Variants in MGAT4C observed in about 807,000 individuals in gnomAD.
MGAT4C encodes MGAT4 family member C.
In MGAT4C, 19 loss-of-function variants were observed where a neutral mutation model predicts 40.1. That is an observed-to-expected ratio of 0.47 (90% CI 0.33 to 0.70). MGAT4C has a LOEUF of 0.70. MGAT4C is among the 30% of genes least tolerant of loss of function. The pLI is 0.02. For missense variants in MGAT4C, 491 were observed against 563.2 expected (o/e 0.87, Z 1.30); for synonymous variants, 181 against 187.1 (o/e 0.97, Z 0.27).
chr12:86,581,910 G>A (rs963353348), intron 2 of MGAT4C, among the ~76,000 whole-genome samples: 1 of 151,396 alleles, frequency 6.6e-6, no homozygotes, highest in Non-Finnish European at 1.5e-5. Flanking sequence ...TTAATTAGTA[G>A]TTGACTTAGG....
intron 2 of MGAT4C, among the ~76,000 whole-genome samples, chr12:86,628,251 A>G (rs1302005833): frequency 1.3e-5 from 2 of 152,222 alleles, no homozygotes; most frequent in African/African-American, 2.4e-5. Flanking sequence ...ACTATGTGAA[A>G]AGACCGAATC....
In MGAT4C at chr12:85,959,986, G is replaced by A. The variant is rs989288633; in HGVS notation, c.*19303C>T. 7 of 151,764 alleles carry A rather than the reference G, an allele frequency of 4.6e-5. No individual in the cohort carries two copies. The highest frequency in any genetic ancestry group is 1.5e-4 in the African/African-American group (6 of 41,346). 9.4% of individuals were successfully genotyped at this position (151,764 alleles called of 1,614,324 possible). ...AATATCCTATTCTCCTTTTCTTATG[G>A]TTTTATTGTGAAGATCTGTGCAAAT... On this transcript the variant is annotated 3_prime_UTR_variant, in exon 5 of 5. Transcript: ENST00000611864.
intron 2 of MGAT4C, among the ~76,000 whole-genome samples, chr12:86,706,308 C>T (rs535294293): frequency 6.6e-6 from 1 of 152,244 alleles, no homozygotes; most frequent in East Asian, 1.9e-4. Context: ...TAAATTTTAA[C>T]ATAAGAATAT....
chr12:86,310,134 A>G (rs1400789185), intron 4 of MGAT4C, among the ~76,000 whole-genome samples: 1 of 152,126 alleles, frequency 6.6e-6, no homozygotes, highest in Non-Finnish European at 1.5e-5. Flanking sequence ...TCAAAGTGTT[A>G]AGCTAGGGTC....
intron 1 of MGAT4C, among the ~76,000 whole-genome samples, chr12:86,211,451 G>C (rs1196119719): frequency 6.7e-6 from 1 of 148,714 alleles, no homozygotes; most frequent in African/African-American, 2.5e-5. Context: ...GCCGGGCGTG[G>C]TGGCGGTCGC....
chr12:86,037,406 T>C (rs1396811298), intron 2 of MGAT4C, among the ~76,000 whole-genome samples: 2 of 150,282 alleles, frequency 1.3e-5, no homozygotes, highest in African/African-American at 4.8e-5. Flanking sequence ...AGATATTTCC[T>C]GCTTTCTCTT....
chr12:86,575,132 T>A (rs1315310324), intron 2 of MGAT4C, among the ~76,000 whole-genome samples: 1 of 151,764 alleles, frequency 6.6e-6, no homozygotes, highest in East Asian at 1.9e-4. Context: ...TATGCCCTCA[T>A]TCATTCATGT....
intron 4 of MGAT4C, among the ~76,000 whole-genome samples, chr12:86,272,950 C>T (rs76773156): frequency 0.015 from 2,276 of 152,202 alleles, 32 homozygotes; most frequent in African/African-American, 0.036. Context: ...GACAATGACC[C>T]TCTACATCAT....
chr12:86,285,801 TTAAA>T (rs1477931981), intron 4 of MGAT4C, among the ~76,000 whole-genome samples: 3 of 152,020 alleles, frequency 2.0e-5, no homozygotes, highest in African/African-American at 7.2e-5. Context: ...AGAGGATTTA[TTAAA>T]TAAATCTTAT....
intron 2 of MGAT4C, among the ~76,000 whole-genome samples, chr12:86,700,217 G>A (rs1391977688): frequency 1.3e-5 from 2 of 149,322 alleles, no homozygotes; most frequent in African/African-American, 2.5e-5. Flanking sequence ...AGATAGATTA[G>A]GCTTTAGCAT....
At chr12:86,768,880 A>C (rs1215506384) in intron 1 of MGAT4C, among the ~76,000 whole-genome samples, 1 of 152,136 alleles carries the variant, frequency 6.6e-6, no homozygotes, top group Non-Finnish European at 1.5e-5. Flanking sequence ...AGATGGATTA[A>C]AGACTTAAAC....
Position 86,202,024 on chromosome 12 carries a change from C to T in MGAT4C, c.-57+54215G>A, listed in dbSNP as rs1002518374. 1.3e-4 allele frequency among the ~76,000 whole-genome samples: 19 copies of T among 151,978 alleles called. 1 individual carries two copies. Among genetic ancestry groups the T allele is most frequent in the Non-Finnish European group, 2.4e-4 (16 of 67,902 alleles). ...AGTGAATTTGAAAAAAAAGTTATTA[C>T]ATTTATAAAATATATTTCTCAGGAT... On this transcript the variant is annotated intron_variant, in intron 1 of 4. Coordinates refer to ENST00000611864, the MANE Select transcript of MGAT4C (RefSeq NM_001351288.2).
At chr12:86,326,575 G>A (rs963717253) in intron 4 of MGAT4C, among the ~76,000 whole-genome samples, 2 of 152,060 alleles carry the variant, frequency 1.3e-5, no homozygotes, top group African/African-American at 4.8e-5. Flanking sequence ...AGAAAAGGTA[G>A]ATGAAATTGT....
At chr12:86,649,756 C>A (rs975735825) in intron 2 of MGAT4C, among the ~76,000 whole-genome samples, 2 of 151,638 alleles carry the variant, frequency 1.3e-5, no homozygotes, top group African/African-American at 4.8e-5. Context: ...AACTTTGAAC[C>A]CAAAATCCTG....
intron 1 of MGAT4C, among the ~76,000 whole-genome samples, chr12:86,177,338 A>G (rs1308204952): frequency 2.0e-5 from 3 of 152,204 alleles, no homozygotes; most frequent in Non-Finnish European, 2.9e-5. Flanking sequence ...CTAAAGATGT[A>G]TGATGTGTTT....
intron 1 of MGAT4C, among the ~76,000 whole-genome samples, chr12:86,736,720 G>A (rs909211226): frequency 3.3e-5 from 5 of 151,676 alleles, no homozygotes; most frequent in African/African-American, 1.2e-4. Context: ...ATTATCCACT[G>A]TCTGCTGTGA....
chr12:86,191,892 C>T (rs1255914509), intron 1 of MGAT4C, among the ~76,000 whole-genome samples: 1 of 149,444 alleles, frequency 6.7e-6, no homozygotes, highest in Non-Finnish European at 1.5e-5. Context: ...GGCACATATA[C>T]ACCATCCAAT....
intron 1 of MGAT4C, among the ~76,000 whole-genome samples, chr12:86,091,535 T>C (rs1384446124): frequency 1.3e-5 from 2 of 152,016 alleles, no homozygotes; most frequent in East Asian, 1.9e-4. Context: ...TAAATACCAA[T>C]GTCAGCATCT....
chr12:86,554,450 C>T (rs1402624184), intron 2 of MGAT4C, among the ~76,000 whole-genome samples: 1 of 152,056 alleles, frequency 6.6e-6, no homozygotes, highest in African/African-American at 2.4e-5. Flanking sequence ...ACCATATTGC[C>T]CAGCTTTGCT....
Sources: allele counts gnomAD v4.1 joint callset (sites outside exome capture counted in the v4.1 genomes callset), GRCh38; gene constraint gnomAD v4.1.1; transcripts MANE v1.5; gene names NCBI Gene and HGNC (gene_info 2026-07-23, HGNC 2026-07-21).